RBFOX1: variants seen among roughly 807,000 people sequenced by gnomAD.
RBFOX1 encodes RNA binding protein fox-1 homolog 1.
RBFOX1 carries 8 observed loss-of-function variants against 57.7 expected under a neutral mutation model. That is an observed-to-expected ratio of 0.14 (90% CI 0.08 to 0.25). RBFOX1 has a LOEUF of 0.25. Among genes scored for constraint, RBFOX1 ranks in the 10% least tolerant of loss-of-function variants. The pLI, the probability that RBFOX1 is intolerant of heterozygous loss-of-function variation, is 1.00. For synonymous variants in RBFOX1, 326 were observed against 222.4 expected, an observed-to-expected ratio of 1.47 and a Z score of -4.15; for missense variants, 611 against 548.5, an observed-to-expected ratio of 1.11 and a Z score of -1.14.
intron 2 of RBFOX1, among the ~76,000 whole-genome samples, chr16:6,536,151 C>T (rs1476976): frequency 6.6e-6 from 1 of 151,970 alleles, no homozygotes; most frequent in South Asian, 2.1e-4. Context: ...CATCACAAGA[C>T]CACAATCATC....
chr16:7,549,189 C>T (rs770246240), intron 5 of RBFOX1, among the ~76,000 whole-genome samples: 2 of 152,200 alleles, frequency 1.3e-5, no homozygotes, highest in African/African-American at 2.4e-5. Flanking sequence ...GAAACACCCT[C>T]GAAATATTTA....
At chr16:7,514,137 G>C (rs1056384216) in intron 4 of RBFOX1, among the ~76,000 whole-genome samples, 2 of 152,146 alleles carry the variant, frequency 1.3e-5, no homozygotes, top group Non-Finnish European at 1.5e-5. Context: ...AGATCATTCA[G>C]TCTTGGTGGG....
At chr16:6,351,477 G>A (rs1433087304) in intron 2 of RBFOX1, among the ~76,000 whole-genome samples, 7 of 150,326 alleles carry the variant, frequency 4.7e-5, no homozygotes, top group East Asian at 2.0e-4. Context: ...AGGTTCAAGC[G>A]ATTCTCTTGC....
intron 12 of RBFOX1, among the ~76,000 whole-genome samples, chr16:7,654,865 G>C (rs1235712780): frequency 6.6e-6 from 1 of 152,138 alleles, no homozygotes; most frequent in Non-Finnish European, 1.5e-5. Flanking sequence ...GTAGAGTCTA[G>C]GGATGTTGTT....
At chr16:6,310,129 G>C (rs537989488) in intron 1 of RBFOX1, among the ~76,000 whole-genome samples, 1 of 152,102 alleles carries the variant, frequency 6.6e-6, no homozygotes, top group Admixed American at 6.5e-5. Flanking sequence ...CTCGTGATCC[G>C]CCCACCTCGG....
intron 1 of RBFOX1, among the ~76,000 whole-genome samples, chr16:6,114,038 A>AGTCT (rs112305519): frequency 0.26 from 39,214 of 151,850 alleles, 6,209 homozygotes; most frequent in African/African-American, 0.42. Flanking sequence ...CTGGGGAGAA[A>AGTCT]TTATTTACCG....
At chr16:5,365,921 A>G (rs550949818) in intron 1 of RBFOX1, 3 of 494,850 alleles carry the variant, frequency 6.1e-6, no homozygotes, top group South Asian at 4.5e-5. Context: ...AGCACCAGTT[A>G]TCTTTAAGAA....
At chr16:6,843,580 T>A (rs2141598144) in intron 3 of RBFOX1, among the ~76,000 whole-genome samples, 1 of 152,172 alleles carries the variant, frequency 6.6e-6, no homozygotes, top group South Asian at 2.1e-4. Flanking sequence ...TCCCAGCTAC[T>A]CAGGACGTTG....
intron 4 of RBFOX1, among the ~76,000 whole-genome samples, chr16:5,898,692 C>T (rs910906477): frequency 7.9e-5 from 12 of 151,952 alleles, no homozygotes; most frequent in Non-Finnish European, 1.5e-4. Context: ...GATCTCAAGC[C>T]ATTTGACTTC....
chr16:6,210,373 A>T (rs1454617982), intron 1 of RBFOX1, among the ~76,000 whole-genome samples: 11 of 140,520 alleles, frequency 7.8e-5, no homozygotes, highest in African/African-American at 2.5e-4. Flanking sequence ...AAAAAAAAAA[A>T]AAAAAGAGAA....
At chr16:6,952,562 T>A (rs1327964559) in intron 3 of RBFOX1, among the ~76,000 whole-genome samples, 1 of 151,762 alleles carries the variant, frequency 6.6e-6, no homozygotes, top group African/African-American at 2.4e-5. Context: ...CACTTAGGCC[T>A]GGGAGATCAA....
At chr16:6,862,182 C>T (rs1020283361) in intron 3 of RBFOX1, among the ~76,000 whole-genome samples, 1 of 152,132 alleles carries the variant, frequency 6.6e-6, no homozygotes, top group Non-Finnish European at 1.5e-5. Flanking sequence ...CTGTGTGTGT[C>T]ATGTTTAGGG....
intron 4 of RBFOX1, among the ~76,000 whole-genome samples, chr16:5,974,529 G>A (rs1295453799): frequency 1.3e-5 from 2 of 152,128 alleles, no homozygotes; most frequent in African/African-American, 2.4e-5. Context: ...AGAATCACTC[G>A]AACCCGGGAG....
intron 14 of RBFOX1, among the ~76,000 whole-genome samples, chr16:7,688,694 T>C (rs762565687): frequency 6.6e-6 from 1 of 152,010 alleles, no homozygotes; most frequent in Non-Finnish European, 1.5e-5. Flanking sequence ...CTGAGGCAGA[T>C]AGAGTATAGA....
chr16:6,404,952 C>T (rs1342358269), intron 2 of RBFOX1, among the ~76,000 whole-genome samples: 2 of 152,138 alleles, frequency 1.3e-5, no homozygotes, highest in African/African-American at 2.4e-5. Flanking sequence ...ACCACAAATG[C>T]CTTCTATTTC....
chr16:6,490,720 C>T (rs1042522975), intron 2 of RBFOX1, among the ~76,000 whole-genome samples: 1 of 152,120 alleles, frequency 6.6e-6, no homozygotes, highest in Non-Finnish European at 1.5e-5. Flanking sequence ...TCAAAAAGGG[C>T]TGTTGAGCTA....
intron 1 of RBFOX1, among the ~76,000 whole-genome samples, chr16:5,264,328 G>A (rs1291350901): frequency 1.3e-5 from 2 of 152,200 alleles, no homozygotes; most frequent in Non-Finnish European, 2.9e-5. Flanking sequence ...CATTGATGGT[G>A]AGAACGTGGT....
At chr16:7,455,952 G>A (rs949359282) in intron 4 of RBFOX1, among the ~76,000 whole-genome samples, 2 of 152,200 alleles carry the variant, frequency 1.3e-5, no homozygotes, top group East Asian at 3.9e-4. Flanking sequence ...AATGTCCCCT[G>A]TTTGGAAATG....
chr16:7,705,582 G>C (rs1016696222), intron 14 of RBFOX1, among the ~76,000 whole-genome samples: 2 of 152,160 alleles, frequency 1.3e-5, no homozygotes, highest in Non-Finnish European at 2.9e-5. Context: ...ATTGAAAGAG[G>C]GACAGAGGCA....
Sources: allele counts gnomAD v4.1 joint callset (sites outside exome capture counted in the v4.1 genomes callset), GRCh38; gene constraint gnomAD v4.1.1; transcripts MANE v1.5; gene names NCBI Gene and HGNC (gene_info 2026-07-23, HGNC 2026-07-21).